DIXDC1: variants seen among roughly 807,000 people sequenced by gnomAD.
DIXDC1 encodes the protein dixin.
A neutral mutation model predicts 103.1 loss-of-function variants in DIXDC1; 64 were observed. The ratio of observed to expected loss-of-function variants is 0.62; its 90% CI spans 0.51 to 0.76. The LOEUF (loss-of-function observed/expected upper bound fraction) is 0.76. DIXDC1 is among the 30% of genes least tolerant of loss of function. The pLI is 0.00. For missense variants in DIXDC1, 759 were observed against 834.2 expected (o/e 0.91, Z 1.11); for synonymous variants, 266 against 298.5 (o/e 0.89, Z 1.12).
In DIXDC1 at chr11:112,016,787, T is replaced by TA. The variant is rs1298324934; in HGVS notation, c.1854dup (p.Pro619ThrfsTer13). The TA allele has an allele frequency of 1.2e-6, 2 of 1,604,382 alleles. No homozygotes were observed. The highest frequency in any genetic ancestry group is 1.7e-6 in the Non-Finnish European group (2 of 1,174,474). On this transcript the variant is annotated frameshift_variant, in exon 18 of 20. Coordinates refer to ENST00000440460, the MANE Select transcript of DIXDC1 (RefSeq NM_001037954.4). LOFTEE classifies it high-confidence loss of function. ...TCACTTACGCCCTTCATGGTCAATA[T>TA]ACCAAAGAGGTGAGATTCTGGGATC... is the stretch of plus-strand genomic sequence containing the variant.
intron 1 of DIXDC1, among the ~76,000 whole-genome samples, chr11:111,949,753 A>G (rs868938987): frequency 7.9e-5 from 12 of 152,008 alleles, no homozygotes; most frequent in African/African-American, 2.9e-4. Context: ...TGTTCCTCTA[A>G]GATAGTATGT....
At chr11:111,942,117 C>G (rs1008680134) in intron 1 of DIXDC1, among the ~76,000 whole-genome samples, 3 of 152,198 alleles carry the variant, frequency 2.0e-5, no homozygotes, top group Admixed American at 2.0e-4. Context: ...CCCCAACCTT[C>G]TTTTTTCTAT....
chr11:111,979,326 C>T (rs1000692534), intron 5 of DIXDC1, among the ~76,000 whole-genome samples: 1 of 152,182 alleles, frequency 6.6e-6, no homozygotes, highest in Non-Finnish European at 1.5e-5. Flanking sequence ...AAAATGTTAA[C>T]TCCTGATCGT....
intron 4 of DIXDC1, 134 bp from the exon 5 acceptor site, chr11:111,974,742 G>C (rs1555172416): frequency 1.4e-6 from 2 of 1,455,948 alleles, no homozygotes; most frequent in Non-Finnish European, 1.8e-6. Flanking sequence ...TAGGTACCAA[G>C]TGTCTTTGAG....
chr11:111,959,962 T>C (rs1477789675), intron 1 of DIXDC1, among the ~76,000 whole-genome samples: 1 of 151,926 alleles, frequency 6.6e-6, no homozygotes, highest in Non-Finnish European at 1.5e-5. Flanking sequence ...CAGGCTGGAG[T>C]GCACTGGCGC....
chr11:111,989,485 G>A lies in DIXDC1; in HGVS notation c.1113+430G>A, dbSNP rs373874718. On this transcript the variant is annotated intron_variant, in intron 10 of 19. Transcript: ENST00000440460. ...TAAAAATACAAAAAATTAGTCGGGC[G>A]TGGTGGCAGGCACCTGTAATCCCAG... 4.6e-4 allele frequency among the ~76,000 whole-genome samples: 70 copies of A among 151,644 alleles called. 2 individuals are homozygous for A. In the East Asian group the frequency reaches 7.1e-3, roughly 15 times the overall value.
chr11:111,951,456 T>G (rs1193519866), intron 1 of DIXDC1, among the ~76,000 whole-genome samples: 3 of 152,110 alleles, frequency 2.0e-5, no homozygotes, highest in Non-Finnish European at 2.9e-5. Context: ...ATGAAGACTT[T>G]CCTAAAAGTT....
intron 6 of DIXDC1, among the ~76,000 whole-genome samples, chr11:111,982,055 G>T (rs1860321545): frequency 6.6e-6 from 1 of 152,218 alleles, no homozygotes; most frequent in African/African-American, 2.4e-5. Context: ...AATTAAGGGT[G>T]AAGTCTGTGT....
chr11:111,962,235 A>G (rs1859604103), intron 1 of DIXDC1, among the ~76,000 whole-genome samples: 1 of 152,140 alleles, frequency 6.6e-6, no homozygotes, highest in Non-Finnish European at 1.5e-5. Flanking sequence ...TAATCCCAGC[A>G]CTTTGGGAGG....
intron 1 of DIXDC1, among the ~76,000 whole-genome samples, chr11:111,942,078 A>G (rs2137446435): frequency 6.6e-6 from 1 of 152,290 alleles, no homozygotes. Context: ...AAGGCTTGTT[A>G]AGTCTACAGA....
In DIXDC1 at chr11:112,021,262, G is replaced by C. The variant is rs1465461934; in HGVS notation, c.*2226G>C. 3 of 151,936 alleles carry C rather than the reference G, an allele frequency of 2.0e-5. No individual in the cohort carries two copies. The highest frequency in any genetic ancestry group is 4.4e-5 in the Non-Finnish European group (3 of 67,996). 9.4% of individuals were successfully genotyped at this position (151,936 alleles called of 1,614,324 possible). A position where few individuals can be genotyped will look rare whatever the true frequency, so the allele number is the denominator to read the frequency against. On this transcript the variant is annotated 3_prime_UTR_variant, in exon 20 of 20. Transcript: ENST00000440460. ...GAGTTCATGGGAGAACATTAAGATC[G>C]TTTTTTTTCCCTTTTAGCTCGGTAA...
chr11:111,931,879 C>T (rs1555167699), intron 2 of DIXDC1, among the ~76,000 whole-genome samples: 1 of 152,146 alleles, frequency 6.6e-6, no homozygotes, highest in Non-Finnish European at 1.5e-5. Flanking sequence ...TGATGTGGAG[C>T]TCTGACACCT....
intron 7 of DIXDC1, 138 bp downstream of exon 7, chr11:111,982,625 A>G: frequency 1.1e-6 from 1 of 913,222 alleles, no homozygotes; most frequent in Non-Finnish European, 1.6e-6. Flanking sequence ...AATAGCACAG[A>G]AAGAGCAGAA....
At position 111,982,146 on chromosome 11, in the gene DIXDC1, G is replaced by A. The variant is rs1362978719; in HGVS notation, c.770-193G>A. 5.7e-6 allele frequency: 3 copies of A among 524,126 alleles called. No homozygotes were observed. In the Admixed American group the frequency reaches 9.4e-5, roughly 16 times the overall value. 32.5% of individuals were successfully genotyped at this position (524,126 alleles called of 1,614,324 possible). On this transcript the variant is annotated intron_variant, in intron 6 of 19. Transcript: ENST00000440460. ...AGAGGATAGATTGTTCTAGCACCAA[G>A]TGAGCCTGAGGCCTGAGCTCACAGC...
At chr11:111,989,919 G>A (rs1368398288) in intron 10 of DIXDC1, among the ~76,000 whole-genome samples, 2 of 149,678 alleles carry the variant, frequency 1.3e-5, no homozygotes, top group East Asian at 4.0e-4. Context: ...CTCCCAAGTA[G>A]CTGGGTCTAC....
intron 17 of DIXDC1, among the ~76,000 whole-genome samples, chr11:112,003,888 A>G (rs1555176264): frequency 6.6e-6 from 1 of 151,766 alleles, no homozygotes; most frequent in African/African-American, 2.4e-5. Flanking sequence ...ACGTATCAAA[A>G]TAACACGAGC....
upstream of DIXDC1, among the ~76,000 whole-genome samples, chr11:111,935,898 C>T (rs1300962995): frequency 6.6e-6 from 1 of 152,224 alleles, no homozygotes; most frequent in East Asian, 1.9e-4. Flanking sequence ...TGCCCCCTGC[C>T]TGTTGTGGTC....
chr11:111,976,745 C>T lies in DIXDC1; in HGVS notation c.656+1762C>T, dbSNP rs1860110267. Reference sequence around the variant, plus strand: ...GTCTCATTCCCTGCCACTGCTCCTCCGGAGACGCCCTGGGGAAGCCCTGCC... The same window carrying T: ...GTCTCATTCCCTGCCACTGCTCCTCTGGAGACGCCCTGGGGAAGCCCTGCC... On this transcript the variant is annotated intron_variant, in intron 5 of 19. Transcript: ENST00000440460. This position sits in a 1 kb window ranked among gnomAD's most constrained non-coding sequence, Gnocchi z 4.3. Among the ~76,000 whole-genome samples, 1 of 152,148 alleles carries T rather than the reference C, an allele frequency of 6.6e-6. No homozygotes were observed. The highest frequency in any genetic ancestry group is 2.1e-4 in the South Asian group (1 of 4,830).
intron 1 of DIXDC1, among the ~76,000 whole-genome samples, chr11:111,929,175 T>C (rs1044038907): frequency 1.3e-5 from 2 of 151,952 alleles, no homozygotes; most frequent in African/African-American, 4.8e-5. Flanking sequence ...CAAGATTCTG[T>C]CCCCCCAACA....
Sources: gnomAD v4.1 joint callset for allele counts (sites outside exome capture counted in the v4.1 genomes callset) on GRCh38, gnomAD v4.1.1 for gene constraint, Gnocchi (gnomAD v3.1) non-coding constraint, MANE v1.5 for transcripts, NCBI Gene and HGNC (gene_info 2026-07-23, HGNC 2026-07-21) for gene names.